Variants in SLC26A9 observed in about 807,000 individuals in gnomAD.
SLC26A9 encodes the protein solute carrier family 26 member 9, also known as anion transporter/exchanger protein 9.
A neutral mutation model predicts 87.1 loss-of-function variants in SLC26A9; 46 were observed. That is an observed-to-expected ratio of 0.53 (90% confidence interval 0.42 to 0.67). The LOEUF is 0.67. Ranked by LOEUF, SLC26A9 falls within the 30% of genes least tolerant of loss-of-function variation. SLC26A9 has a pLI of 0.00. For synonymous variants in SLC26A9, 437 were observed against 409.1 expected (o/e 1.07, Z -0.82); for missense variants, 927 against 1,018.3 (o/e 0.91, Z 1.22).
chr1:205,927,256 C>T lies in SLC26A9; in HGVS notation c.1248G>A (p.Met416Ile). ...VASLCVSLVVMITMLVLGIYL... is the reference protein window; with the variant it reads ...VASLCVSLVVIITMLVLGIYL... The stretch of plus-strand genomic sequence containing the variant: ...AGATCCCCAGGACCAGCATGGTGAT[C>T]ATCACCACCAGAGACACACACAGGC... Residue 416 changes from methionine to isoleucine, a missense_variant, in exon 11 of 21, where the codon ATG becomes ATA. By Grantham distance (10) the Met-to-Ile change is conservative. Coordinates refer to ENST00000367135, the MANE Select transcript of SLC26A9 (RefSeq NM_052934.4). 6.2e-7 allele frequency: 1 copy of T among 1,614,124 alleles called. No homozygotes were observed. The highest frequency in any genetic ancestry group is 8.5e-7 in the Non-Finnish European group (1 of 1,180,002).
At position 205,923,141 on chromosome 1, in the gene SLC26A9, G is replaced by T; in HGVS notation, c.1714C>A (p.Gln572Lys). 1 of 1,614,146 alleles carries T rather than the reference G, an allele frequency of 6.2e-7. No individual in the cohort carries two copies. Among genetic ancestry groups the T allele is most frequent in the Non-Finnish European group, 8.5e-7 (1 of 1,180,028 alleles). Residue 572 changes from glutamine to lysine, a missense_variant, in exon 16 of 21, where the codon CAG (glutamine) becomes AAG (lysine). Gln to Lys is a moderately conservative substitution (Grantham distance 53). Transcript: ENST00000367135. Reference sequence around the variant, plus strand: ...GTGGGCCTCATTCTCCGCTTCTCCTGCTTCTTGAGGTATTTTTGCTTGGCT... The same window carrying T: ...GTGGGCCTCATTCTCCGCTTCTCCTTCTTCTTGAGGTATTTTTGCTTGGCT... ...LLAKQKYLKK[Q>K]EKRRMRPTQQ...
At chr1:205,940,323 A>G (rs1005018137) in intron 1 of SLC26A9, among the ~76,000 whole-genome samples, 7 of 152,176 alleles carry the variant, frequency 4.6e-5, no homozygotes, top group African/African-American at 1.7e-4. Flanking sequence ...CAATGAGCTC[A>G]TGCCAAAGCA....
At position 205,917,335 on chromosome 1, in the gene SLC26A9, A is replaced by T; in HGVS notation, c.2276T>A (p.Leu759His). 1.2e-6 allele frequency: 2 copies of T among 1,613,872 alleles called. No individual in the cohort carries two copies. The highest frequency in any genetic ancestry group is 1.7e-6 in the Non-Finnish European group (2 of 1,179,956). The change falls in exon 20 of 21, where the codon CTC becomes CAC. Residue 759 changes from leucine to histidine, a missense_variant. Coordinates refer to ENST00000367135, the MANE Select transcript of SLC26A9 (RefSeq NM_052934.4). ...NFQGAPGDAE[L>H]SLYDSEEDIR... The stretch of plus-strand genomic sequence containing the variant: ...GTCCTCCTCTGAGTCGTACAAGGAG[A>T]GCTCAGCATCCCCTGGAGCCTGGAA...
At chr1:205,936,082 G>A (rs950411238) in intron 1 of SLC26A9, among the ~76,000 whole-genome samples, 11 of 152,142 alleles carry the variant, frequency 7.2e-5, no homozygotes, top group Admixed American at 5.9e-4. Flanking sequence ...CGCTCAGCAC[G>A]TGGCTGGCAC....
Position 205,924,407 on chromosome 1 carries a change from A to G in SLC26A9, c.1472T>C (p.Leu491Pro), listed in dbSNP as rs769532823. ...GVAVGVAFSV[L>P]VVVFQTQFRN... Reference sequence around the variant, plus strand: ...CAACTGAGTCTGGAAGACCACGACCAGGACGGAGAAGGCGACACCCACTGC... The same window carrying G: ...CAACTGAGTCTGGAAGACCACGACCGGGACGGAGAAGGCGACACCCACTGC... The change falls in exon 13 of 21, where the codon CTG (leucine) becomes CCG (proline). Residue 491 changes from leucine (L) to proline (P), a missense_variant. By Grantham distance (98) the Leu-to-Pro change is moderately conservative (BLOSUM62 -3). Coordinates refer to ENST00000367135, the MANE Select transcript of SLC26A9 (RefSeq NM_052934.4). 1.2e-6 allele frequency: 2 copies of G among 1,614,208 alleles called. No individual in the cohort carries two copies. The highest frequency in any genetic ancestry group is 1.3e-5 in the African/African-American group (1 of 75,064).
At chr1:205,936,595 T>C (rs1659519092) in intron 1 of SLC26A9, among the ~76,000 whole-genome samples, 1 of 151,956 alleles carries the variant, frequency 6.6e-6, no homozygotes, top group African/African-American at 2.4e-5. Context: ...GAGTTCCCTG[T>C]AGGAACCTTT....
Position 205,923,569 on chromosome 1 carries a change from T to C in SLC26A9, c.1541A>G (p.Tyr514Cys). 1 of 1,614,218 alleles carries C rather than the reference T, an allele frequency of 6.2e-7. No homozygotes were observed. The highest frequency in any genetic ancestry group is 2.2e-5 in the East Asian group (1 of 44,880). Reference sequence around the variant, plus strand: ...CCTATTATAGGTCTTGGGATTCACATAAATGTCAGTGTCCATGACCTGGGC... The same window carrying C: ...CCTATTATAGGTCTTGGGATTCACACAAATGTCAGTGTCCATGACCTGGGC... ...ALAQVMDTDI[Y>C]VNPKTYNRAQ... Residue 514 changes from tyrosine (Y) to cysteine (C), a missense_variant, in exon 14 of 21, where the codon TAT becomes TGT. Transcript: ENST00000367135.
At chr1:205,927,714 C>A (rs1044345847) in intron 9 of SLC26A9, 109 bp from the exon 10 acceptor site, 190 of 1,376,398 alleles carry the variant, frequency 1.4e-4, no homozygotes, top group Middle Eastern at 9.2e-4. Flanking sequence ...GAGAGTGACC[C>A]AGTGGCTATA....
chr1:205,923,234 C>T (rs1016249729), intron 15 of SLC26A9, 39 bp from the exon 16 acceptor site: 3 of 1,611,682 alleles, frequency 1.9e-6, no homozygotes, highest in African/African-American at 2.7e-5. Flanking sequence ...GACCTCCACC[C>T]TCTATGGGAG....
rs567999530 is a variant in SLC26A9 at position 205,917,307 on chromosome 1, A to G, written c.2304T>C (p.Ile768=). 2 of 1,613,860 alleles carry G rather than the reference A, an allele frequency of 1.2e-6. No homozygotes were observed. Among genetic ancestry groups the G allele is most frequent in the African/African-American group, 2.7e-5 (2 of 74,956 alleles). Residue 768 remains isoleucine (I), a synonymous_variant, in exon 20 of 21, where the codon ATT becomes ATC. Coordinates refer to ENST00000367135, the MANE Select transcript of SLC26A9 (RefSeq NM_052934.4). ...CCTGCTCTAAGTCCCAGTAGCTGCG[A>G]ATGTCCTCCTCTGAGTCGTACAAGG... ...ELSLYDSEED[I]RSYWDLEQEM...
At chr1:205,923,761 G>C in intron 13 of SLC26A9, 148 bp from the exon 14 acceptor site, 1 of 811,680 alleles carries the variant, frequency 1.2e-6, no homozygotes. Context: ...TTTTGCACTG[G>C]AGACACATGT....
intron 11 of SLC26A9, 133 bp downstream of exon 11, chr1:205,927,078 T>G: frequency 2.3e-6 from 2 of 874,800 alleles, no homozygotes; most frequent in Non-Finnish European, 3.7e-6. Context: ...CTGCATTGTC[T>G]ACCTCACAGT....
At chr1:205,921,135 CTGTT>C (rs1291292362) in intron 17 of SLC26A9, among the ~76,000 whole-genome samples, 2 of 152,264 alleles carry the variant, frequency 1.3e-5, no homozygotes, top group Middle Eastern at 3.2e-3. Flanking sequence ...CGTGGGCTCT[CTGTT>C]TGGCCTGATG....
In SLC26A9 at chr1:205,917,299, T is replaced by G. The variant is rs755149065; in HGVS notation, c.2312A>C (p.Tyr771Ser). Reference sequence around the variant, plus strand: ...TCAGCTCACCTGCTCTAAGTCCCAGTAGCTGCGAATGTCCTCCTCTGAGTC... The same window carrying G: ...TCAGCTCACCTGCTCTAAGTCCCAGGAGCTGCGAATGTCCTCCTCTGAGTC... ...LYDSEEDIRS[Y>S]WDLEQEMFGS... is the part of the protein sequence containing the mutation. The change falls in exon 20 of 21, where the codon TAC becomes TCC. Residue 771 changes from tyrosine (Y) to serine (S), a missense_variant. By Grantham distance (144) the Tyr-to-Ser change is moderately radical. Transcript: ENST00000367135. The G allele has an allele frequency of 1.7e-5, 27 of 1,613,872 alleles. No homozygotes were observed. Among genetic ancestry groups the G allele is most frequent in the Non-Finnish European group, 2.1e-5 (25 of 1,179,954 alleles).
chr1:205,925,378 T>G (rs1571739878), intron 12 of SLC26A9, among the ~76,000 whole-genome samples: 1 of 152,260 alleles, frequency 6.6e-6, no homozygotes, highest in East Asian at 1.9e-4. Context: ...TTTTAAGACC[T>G]GGAAATTCCT....
intron 2 of SLC26A9, among the ~76,000 whole-genome samples, chr1:205,933,495 G>T (rs1279935092): frequency 1.3e-5 from 2 of 152,216 alleles, no homozygotes; most frequent in African/African-American, 2.4e-5. Context: ...TCCTGTGTGT[G>T]CATTCCTTGC....
intron 2 of SLC26A9, among the ~76,000 whole-genome samples, chr1:205,933,570 T>A (rs778679415): frequency 6.6e-6 from 1 of 152,224 alleles, no homozygotes. Context: ...CTAGCTCTCC[T>A]GTTCATCTTT....
chr1:205,926,673 TTC>T, intron 11 of SLC26A9, 43 bp from the exon 12 acceptor site: 1 of 1,571,436 alleles, frequency 6.4e-7, no homozygotes, highest in Non-Finnish European at 8.8e-7. Context: ...GGGTCTCCCC[TTC>T]TTTTTGCCCT....
rs1349593220 is a variant in SLC26A9, at chr1:205,929,239, T to G, written c.835A>C (p.Lys279Gln). 6.2e-7 allele frequency: 1 copy of G among 1,614,054 alleles called. No individual in the cohort carries two copies. The highest frequency in any genetic ancestry group is 2.2e-5 in the East Asian group (1 of 44,896). Residue 279 changes from lysine (K) to glutamine (Q), a missense_variant, in exon 7 of 21, where the codon AAG (lysine) becomes CAG (glutamine). Coordinates refer to ENST00000367135, the MANE Select transcript of SLC26A9 (RefSeq NM_052934.4). ...TCTGTAGGGATGGGGAAGCGAATCTTGTGCATGTAGCGAGCATTGAGCTCC... is the reference window on the plus strand; with the variant it reads ...TCTGTAGGGATGGGGAAGCGAATCTGGTGCATGTAGCGAGCATTGAGCTCC... ...VKELNARYMHKIRFPIPTEMI... is the reference protein window; with the variant it reads ...VKELNARYMHQIRFPIPTEMI...
Sources: gnomAD v4.1 joint callset for allele counts (sites outside exome capture counted in the v4.1 genomes callset) on GRCh38, gnomAD v4.1.1 for gene constraint, MANE v1.5 for transcripts, NCBI Gene and HGNC (gene_info 2026-07-23, HGNC 2026-07-21) for gene names.